MAGI1: variants seen among roughly 807,000 people sequenced by gnomAD.
MAGI1 encodes the protein membrane-associated guanylate kinase, WW and PDZ domain-containing protein 1.
MAGI1 carries 58 observed loss-of-function variants against 139.9 expected under a neutral mutation model. The ratio of observed to expected loss-of-function variants is 0.41; its 90% CI spans 0.34 to 0.52. The LOEUF (loss-of-function observed/expected upper bound fraction) is 0.52. MAGI1 is among the 20% of genes least tolerant of loss of function. The probability of loss-of-function intolerance (pLI) is 0.12; values close to 1 mark genes in which losing one functional copy is unlikely to be tolerated. For synonymous variants in MAGI1, 812 were observed against 737.9 expected (o/e 1.10, Z -1.63); for missense variants, 1,874 against 1,901.6 (o/e 0.99, Z 0.27).
In MAGI1 at chr3:65,537,961, A is replaced by C. The variant is rs189535303; in HGVS notation, c.431-44330T>G. 2.4e-3 allele frequency among the ~76,000 whole-genome samples: 360 copies of C among 152,144 alleles called. 9 individuals are homozygous for C. The highest frequency in any genetic ancestry group is 0.01 in the Middle Eastern group (3 of 294). On this transcript the variant is annotated intron_variant, in intron 2 of 22. Coordinates refer to ENST00000402939, the MANE Select transcript of MAGI1 (RefSeq NM_001033057.2). ...GGTGAAACCTCGTCTCTACTAAAAAATAAAAAATTAATAAAAAAATAAAAA... is the reference window on the plus strand; with the variant it reads ...GGTGAAACCTCGTCTCTACTAAAAACTAAAAAATTAATAAAAAAATAAAAA...
intron 3 of MAGI1, among the ~76,000 whole-genome samples, chr3:65,479,489 A>T (rs1951114948): frequency 6.6e-6 from 1 of 151,940 alleles, no homozygotes; most frequent in South Asian, 2.1e-4. Flanking sequence ...GTGCTATGTG[A>T]CTCTCACTTG....
intron 7 of MAGI1, among the ~76,000 whole-genome samples, chr3:65,443,345 T>C (rs770651583): frequency 5.3e-5 from 8 of 152,216 alleles, no homozygotes; most frequent in Non-Finnish European, 7.3e-5. Context: ...AGTTGGGTTT[T>C]TGAACTGCAC....
intron 1 of MAGI1, among the ~76,000 whole-genome samples, chr3:65,801,537 C>T (rs2040514875): frequency 6.6e-6 from 1 of 152,244 alleles, no homozygotes; most frequent in Admixed American, 6.5e-5. Flanking sequence ...AAAAGCTCTC[C>T]ATTATCAAGA....
rs2060148590 is a variant in MAGI1, at chr3:65,877,166, CCAA to C, written c.313+160827_313+160829del. 2.6e-5 allele frequency among the ~76,000 whole-genome samples: 4 copies of C among 152,124 alleles called. No homozygotes were observed. In the South Asian group the frequency reaches 8.3e-4, roughly 32 times the overall value. Reference sequence around the variant, plus strand: ...GGCTGTGATCAACATACTCTGTGGTCCAACTTATGGGACCTTTTCCCATATGGG... The same window carrying C: ...GGCTGTGATCAACATACTCTGTGGTCCTTATGGGACCTTTTCCCATATGGG... On this transcript the variant is annotated intron_variant, in intron 1 of 22. Transcript: ENST00000402939.
chr3:65,380,682 A>C (rs911873486), intron 16 of MAGI1: 4 of 152,240 alleles, frequency 2.6e-5, no homozygotes, highest in African/African-American at 9.6e-5. Context: ...CTAAAAATCC[A>C]AAATATTTAA....
chr3:65,517,732 A>T (rs2107787576), intron 2 of MAGI1, among the ~76,000 whole-genome samples: 1 of 152,060 alleles, frequency 6.6e-6, no homozygotes, highest in South Asian at 2.1e-4. Context: ...TGCCACAGGG[A>T]TCCCTCCTCT....
intron 1 of MAGI1, among the ~76,000 whole-genome samples, chr3:65,752,577 A>G (rs77978357): frequency 0.013 from 1,966 of 152,310 alleles, 43 homozygotes; most frequent in African/African-American, 0.044. Flanking sequence ...GAAGCAAGCT[A>G]CTAAGGTTAT....
chr3:65,657,078 A>C (rs1268323145), intron 1 of MAGI1, among the ~76,000 whole-genome samples: 1 of 152,054 alleles, frequency 6.6e-6, no homozygotes, highest in Non-Finnish European at 1.5e-5. Flanking sequence ...AATGTCTACT[A>C]CATGCCAAGT....
intron 1 of MAGI1, chr3:65,844,134 G>A (rs913321536): frequency 9.6e-6 from 5 of 519,452 alleles, no homozygotes; most frequent in African/African-American, 1.9e-5. Context: ...ACACTGGGTC[G>A]GTGGCCCAAA....
At chr3:65,666,086 C>T (rs1255013502) in intron 1 of MAGI1, among the ~76,000 whole-genome samples, 1 of 152,102 alleles carries the variant, frequency 6.6e-6, no homozygotes, top group African/African-American at 2.4e-5. Flanking sequence ...CAGAAGTCTA[C>T]CTGCTGAGTT....
intron 21 of MAGI1, among the ~76,000 whole-genome samples, chr3:65,362,422 C>CA (rs1012256591): frequency 3.3e-5 from 5 of 151,274 alleles, no homozygotes; most frequent in Admixed American, 6.6e-5. Context: ...AAATTTCAAA[C>CA]AAAAAAAATA....
At chr3:65,857,028 T>C (rs1250816875) in intron 1 of MAGI1, among the ~76,000 whole-genome samples, 1 of 151,986 alleles carries the variant, frequency 6.6e-6, no homozygotes, top group Admixed American at 6.6e-5. Context: ...TTGACAGGAG[T>C]TGGCCAGCTC....
At chr3:65,611,308 T>G (rs1325980681) in intron 2 of MAGI1, among the ~76,000 whole-genome samples, 3 of 141,998 alleles carry the variant, frequency 2.1e-5, no homozygotes, top group African/African-American at 7.7e-5. Flanking sequence ...ATATACTATA[T>G]GTACATATAT....
intron 1 of MAGI1, among the ~76,000 whole-genome samples, chr3:65,960,583 G>A (rs527821694): frequency 1.3e-5 from 2 of 152,200 alleles, no homozygotes; most frequent in Non-Finnish European, 2.9e-5. Flanking sequence ...TAAGGACACT[G>A]AAGAGGGGAA....
chr3:65,792,597 G>C (rs2039863922), intron 1 of MAGI1, among the ~76,000 whole-genome samples: 1 of 151,874 alleles, frequency 6.6e-6, no homozygotes, highest in African/African-American at 2.4e-5. Context: ...GTAAAATAAG[G>C]ATTCCTTGAA....
At chr3:65,668,562 C>CTTTT (rs58434479) in intron 1 of MAGI1, among the ~76,000 whole-genome samples, 12 of 79,874 alleles carry the variant, frequency 1.5e-4, no homozygotes, top group South Asian at 5.1e-4. Flanking sequence ...CCTTTTTTTT[C>CTTTT]TTTTTTTTTT....
At chr3:65,922,873 T>G (rs927673953) in intron 1 of MAGI1, among the ~76,000 whole-genome samples, 1 of 152,188 alleles carries the variant, frequency 6.6e-6, no homozygotes, top group African/African-American at 2.4e-5. Flanking sequence ...CCTATAGTCT[T>G]TAGAAGACCC....
intron 1 of MAGI1, among the ~76,000 whole-genome samples, chr3:65,999,301 G>A (rs927426964): frequency 1.3e-5 from 2 of 152,130 alleles, no homozygotes; most frequent in African/African-American, 4.8e-5. Context: ...AATTTAGGGG[G>A]ATAAGGAGAG....
At chr3:65,719,278 C>A (rs754578981) in intron 1 of MAGI1, among the ~76,000 whole-genome samples, 3 of 150,474 alleles carry the variant, frequency 2.0e-5, no homozygotes, top group Non-Finnish European at 4.4e-5. Context: ...CATATATATA[C>A]ACATATATGT....
Sources: allele counts gnomAD v4.1 joint callset (sites outside exome capture counted in the v4.1 genomes callset), GRCh38; gene constraint gnomAD v4.1.1; transcripts MANE v1.5; gene names NCBI Gene and HGNC (gene_info 2026-07-23, HGNC 2026-07-21).